The following NAV3 variants were observed in gnomAD, a reference collection of about 807,000 sequenced individuals.
NAV3 encodes the protein pore membrane and/or filament interacting like protein 1.
NAV3 carries 87 observed loss-of-function variants against 244.7 expected under a neutral mutation model. The ratio of observed to expected loss-of-function variants is 0.36; its 90% confidence interval spans 0.30 to 0.42. NAV3 has a LOEUF of 0.42. Among genes scored for constraint, NAV3 ranks in the 20% least tolerant of loss-of-function variants. The pLI is 1.00. For missense variants in NAV3, 2,663 were observed against 2,893.3 expected (o/e 0.92, Z 1.83); for synonymous variants, 1,126 against 1,042.2 (o/e 1.08, Z -1.55).
intron 12 of NAV3, among the ~76,000 whole-genome samples, chr12:78,110,464 C>G (rs915110869): frequency 7.2e-5 from 11 of 151,864 alleles, no homozygotes; most frequent in African/African-American, 2.7e-4. Context: ...GAACAGAGCC[C>G]AAATAGCCAA....
At chr12:78,067,010 G>A (rs1885094642) in intron 12 of NAV3, among the ~76,000 whole-genome samples, 1 of 152,090 alleles carries the variant, frequency 6.6e-6, no homozygotes, top group Admixed American at 6.6e-5. Context: ...AATCATGGGG[G>A]CATCAGTTAT....
intron 3 of NAV3, among the ~76,000 whole-genome samples, chr12:77,960,750 A>G (rs1891832963): frequency 6.8e-6 from 1 of 147,388 alleles, no homozygotes; most frequent in South Asian, 2.1e-4. Flanking sequence ...TGTATATAAT[A>G]TATGCATATA....
chr12:77,955,138 G>A (rs928604263), intron 3 of NAV3, among the ~76,000 whole-genome samples: 7 of 152,112 alleles, frequency 4.6e-5, no homozygotes. Flanking sequence ...TGATTTGAAG[G>A]CTACTAACCT....
In NAV3 at chr12:78,059,130, A is replaced by C. The variant is rs1442807847; in HGVS notation, c.2636+15A>C. The stretch of plus-strand genomic sequence containing the variant: ...GATGCAGACAGGTAATGCTATCAGC[A>C]TATATGATGGTGAGACATGCATGAA... On this transcript the variant is annotated intron_variant, in intron 12 of 39. Coordinates refer to ENST00000397909, the MANE Select transcript of NAV3 (RefSeq NM_001024383.2). The C allele has an allele frequency of 6.2e-7, 1 of 1,606,622 alleles. No homozygotes were observed. Among genetic ancestry groups the C allele is most frequent in the Admixed American group, 1.7e-5 (1 of 58,714 alleles).
intron 2 of NAV3, among the ~76,000 whole-genome samples, chr12:77,808,575 T>G (rs1851083): frequency 0.42 from 63,926 of 151,994 alleles, 13,672 homozygotes; most frequent in South Asian, 0.51. Context: ...ACCGGCCAGA[T>G]GCCAGCCAGA....
At chr12:77,896,609 A>C (rs147562222) in intron 1 of NAV3, among the ~76,000 whole-genome samples, 2 of 152,306 alleles carry the variant, frequency 1.3e-5, no homozygotes, top group Non-Finnish European at 2.9e-5. Context: ...CTACTAAACA[A>C]ATGAACATAA....
chr12:77,938,958 G>A (rs1889598936), intron 1 of NAV3, among the ~76,000 whole-genome samples: 1 of 151,550 alleles, frequency 6.6e-6, no homozygotes, highest in Admixed American at 6.6e-5. Context: ...GTGTGTGTGT[G>A]TGTGTTCTGT....
intron 15 of NAV3, among the ~76,000 whole-genome samples, 177 bp downstream of exon 15, chr12:78,120,122 CA>C (rs36170084): frequency 2.2e-3 from 339 of 151,048 alleles, no homozygotes; most frequent in Middle Eastern, 6.9e-3. Flanking sequence ...AAACAGCTAG[CA>C]AAAAAAATAG....
intron 2 of NAV3, among the ~76,000 whole-genome samples, chr12:77,709,586 T>C (rs1402259369): frequency 5.9e-5 from 9 of 152,206 alleles, no homozygotes; most frequent in Non-Finnish European, 1.3e-4. Context: ...AATTATAAAA[T>C]TTCCCTAAGT....
chr12:77,775,521 A>G (rs1009453232), intron 2 of NAV3, among the ~76,000 whole-genome samples: 20 of 152,260 alleles, frequency 1.3e-4, no homozygotes, highest in African/African-American at 4.8e-4. Flanking sequence ...TCTGTCTTCA[A>G]TTTATTTCTG....
chr12:77,610,403 G>A lies in NAV3; in HGVS notation c.72+38137G>A, dbSNP rs530588241. 3.4e-4 allele frequency among the ~76,000 whole-genome samples: 52 copies of A among 152,108 alleles called. No homozygotes were observed. In the South Asian group the frequency reaches 1.0e-2, roughly 29 times the overall value. ...GGATAAGTGCCTTTGGTAGTATATG[G>A]CATTTTGTTCAATTTGTTTGCTAAT... On this transcript the variant is annotated intron_variant, in intron 2 of 8. Coordinates refer to the NAV3 transcript ENST00000550042.
At chr12:78,048,620 C>A (rs551637221) in intron 9 of NAV3, among the ~76,000 whole-genome samples, 37 of 152,290 alleles carry the variant, frequency 2.4e-4, no homozygotes, top group African/African-American at 8.9e-4. Context: ...TTGCCAGATG[C>A]CTGCTAGAGC....
At chr12:77,707,302 T>C (rs1314897657) in intron 2 of NAV3, among the ~76,000 whole-genome samples, 2 of 148,136 alleles carry the variant, frequency 1.4e-5, no homozygotes, top group Non-Finnish European at 3.0e-5. Context: ...AGTGAGAACA[T>C]GTGGTGTTTG....
At chr12:77,699,295 C>T (rs1367277128) in intron 2 of NAV3, among the ~76,000 whole-genome samples, 1 of 152,048 alleles carries the variant, frequency 6.6e-6, no homozygotes, top group East Asian at 1.9e-4. Flanking sequence ...TTCTCAATGC[C>T]CTGGTTCTCA....
intron 38 of NAV3, among the ~76,000 whole-genome samples, chr12:78,204,003 A>T (rs2140075078): frequency 6.6e-6 from 1 of 152,100 alleles, no homozygotes; most frequent in Admixed American, 6.6e-5. Flanking sequence ...GCTCTTACTT[A>T]TTGGGCAAAT....
At chr12:78,061,052 T>C (rs370882509) in intron 12 of NAV3, among the ~76,000 whole-genome samples, 10 of 152,256 alleles carry the variant, frequency 6.6e-5, no homozygotes, top group East Asian at 5.8e-4. Flanking sequence ...CAGTGCCTCT[T>C]AAAGTGTGGT....
intron 9 of NAV3, among the ~76,000 whole-genome samples, chr12:78,025,243 T>C (rs1326101676): frequency 6.6e-6 from 1 of 152,052 alleles, no homozygotes; most frequent in East Asian, 1.9e-4. Flanking sequence ...TAAGAAGGTT[T>C]CTTCCTTGGT....
At chr12:77,866,065 G>T (rs1245301264) in intron 1 of NAV3, among the ~76,000 whole-genome samples, 1 of 151,892 alleles carries the variant, frequency 6.6e-6, no homozygotes, top group African/African-American at 2.4e-5. Context: ...TTTGCAAAGA[G>T]TAATTAATAA....
intron 12 of NAV3, among the ~76,000 whole-genome samples, chr12:78,066,440 C>T (rs989368687): frequency 6.6e-6 from 1 of 151,994 alleles, no homozygotes; most frequent in Admixed American, 6.6e-5. Context: ...GATGATTCAT[C>T]CAGGTAGCTA....
Sources: allele counts gnomAD v4.1 joint callset (sites outside exome capture counted in the v4.1 genomes callset), GRCh38; gene constraint gnomAD v4.1.1; transcripts MANE v1.5; gene names NCBI Gene and HGNC (gene_info 2026-07-23, HGNC 2026-07-21).